Variants in AKAP13 observed in about 807,000 individuals in gnomAD.
AKAP13 encodes A-kinase anchoring protein 13, also known as A-kinase anchor protein 13.
A neutral mutation model predicts 264.5 loss-of-function variants in AKAP13; 80 were observed. The observed-to-expected ratio is 0.30, with a 90% CI of 0.25 to 0.36. The LOEUF (loss-of-function observed/expected upper bound fraction) is 0.36. Ranked by LOEUF, AKAP13 falls within the 10% of genes least tolerant of loss-of-function variation. The pLI is 1.00. For synonymous variants in AKAP13, 1,380 were observed against 1,250.2 expected, an observed-to-expected ratio of 1.10 and a Z score of -2.19; for missense variants, 3,712 against 3,435.2, an observed-to-expected ratio of 1.08 and a Z score of -2.01.
chr15:85,662,758 C>A (rs181622121), intron 12 of AKAP13, among the ~76,000 whole-genome samples: 17 of 152,198 alleles, frequency 1.1e-4, no homozygotes, highest in Non-Finnish European at 2.5e-4. Flanking sequence ...TCTTGGAACC[C>A]GAAGAAAACA....
chr15:85,460,560 G>C (rs181342701), intron 1 of AKAP13, among the ~76,000 whole-genome samples: 2 of 152,274 alleles, frequency 1.3e-5, no homozygotes, highest in Admixed American at 6.5e-5. Flanking sequence ...TGGAACCTAT[G>C]AACATTTTAC....
chr15:85,485,946 T>C (rs2075526998), intron 2 of AKAP13, among the ~76,000 whole-genome samples, 193 bp downstream of exon 2: 1 of 152,238 alleles, frequency 6.6e-6, no homozygotes, highest in Non-Finnish European at 1.5e-5. Flanking sequence ...TGCATGGAAA[T>C]GAAAACAAAT....
Position 85,533,784 on chromosome 15 carries a change from G to T in AKAP13, c.382G>T (p.Asp128Tyr). ...FLDQSGPPSGDVNSLDKKLVL... is the reference protein window; with the variant it reads ...FLDQSGPPSGYVNSLDKKLVL... Reference sequence around the variant, plus strand: ...TGACCAGTCAGGACCCCCATCTGGGGATGTGAATTCCCTTGATAAGAAGTT... The same window carrying T: ...TGACCAGTCAGGACCCCCATCTGGGTATGTGAATTCCCTTGATAAGAAGTT... The change falls in exon 4 of 37, where the codon GAT becomes TAT. Residue 128 changes from aspartate (D) to tyrosine (Y), a missense_variant. Asp to Tyr is a radical substitution (Grantham distance 160). Coordinates refer to ENST00000394518, the MANE Select transcript of AKAP13 (RefSeq NM_007200.5). The T allele has an allele frequency of 6.2e-7, 1 of 1,613,876 alleles. No homozygotes were observed. Among genetic ancestry groups the T allele is most frequent in the Non-Finnish European group, 8.5e-7 (1 of 1,179,930 alleles).
intron 4 of AKAP13, among the ~76,000 whole-genome samples, chr15:85,539,122 G>A (rs1314886795): frequency 6.6e-6 from 1 of 152,150 alleles, no homozygotes; most frequent in African/African-American, 2.4e-5. Flanking sequence ...GAGCCACTGT[G>A]CCTGGCCTGT....
chr15:85,643,775 G>A (rs2082419183), intron 9 of AKAP13, among the ~76,000 whole-genome samples: 1 of 152,218 alleles, frequency 6.6e-6, no homozygotes, highest in Non-Finnish European at 1.5e-5. Flanking sequence ...GGGAATCTGT[G>A]ACAGTCTTTA....
In AKAP13 at chr15:85,727,457, T is replaced by C; in HGVS notation, c.7081T>C (p.Leu2361=). 1.2e-6 allele frequency: 2 copies of C among 1,614,094 alleles called. No individual in the cohort carries two copies. The highest frequency in any genetic ancestry group is 1.7e-6 in the Non-Finnish European group (2 of 1,179,964). Residue 2361 remains leucine, a synonymous_variant, in exon 29 of 37, where the codon TTA becomes CTA. Transcript: ENST00000394518. The surrounding 1 kb of genome is among the most constrained non-coding windows in gnomAD (Gnocchi z 5.3). ...KKMLDTRARE[L]KEQLHQKDQK... ...AATGTTGGACACCAGAGCCCGAGAATTAAAAGGTGAGGCATTGCGAGTGGT... is the reference window on the plus strand; with the variant it reads ...AATGTTGGACACCAGAGCCCGAGAACTAAAAGGTGAGGCATTGCGAGTGGT...
chr15:85,441,682 T>C (rs990048521), intron 1 of AKAP13, among the ~76,000 whole-genome samples: 6 of 152,216 alleles, frequency 3.9e-5, no homozygotes, highest in African/African-American at 1.4e-4. Context: ...TATTTTTGTG[T>C]ATGGTGTAAG....
intron 1 of AKAP13, among the ~76,000 whole-genome samples, chr15:85,464,810 A>G (rs1408635289): frequency 1.3e-5 from 2 of 152,196 alleles, no homozygotes; most frequent in Non-Finnish European, 2.9e-5. Flanking sequence ...TCAATTGCTT[A>G]CCCCGTCCCT....
intron 1 of AKAP13, among the ~76,000 whole-genome samples, chr15:85,411,087 CATT>C (rs2071941470): frequency 6.6e-6 from 1 of 152,134 alleles, no homozygotes; most frequent in African/African-American, 2.4e-5. Flanking sequence ...CACATGAAAA[CATT>C]ATTTACCTTT....
In AKAP13 at chr15:85,708,403, C is replaced by G. The variant is rs2151690591; in HGVS notation, c.5532+317C>G. 6.6e-6 allele frequency among the ~76,000 whole-genome samples: 1 copy of G among 152,232 alleles called. No homozygotes were observed. Among genetic ancestry groups the G allele is most frequent in the South Asian group, 2.1e-4 (1 of 4,818 alleles). ...TTTCTTCTTAACTACGTCTGCAGGC[C>G]TACCCTGCTGTTCATACACCTGTCT... is the stretch of plus-strand genomic sequence containing the variant. On this transcript the variant is annotated intron_variant, in intron 18 of 36. Transcript: ENST00000394518. The surrounding 1 kb of genome is among the most constrained non-coding windows in gnomAD (Gnocchi z 4.3).
rs932538664 is a variant in AKAP13 at position 85,666,370 on chromosome 15, GT to G, written c.4992+1625del. Among the ~76,000 whole-genome samples the G allele has an allele frequency of 9.4e-3, 1,399 of 149,196 alleles. 14 individuals carry two copies. The highest frequency in any genetic ancestry group is 0.015 in the Non-Finnish European group (979 of 67,094). ...TATCCTTTACCCACTTTTTGATGGA[GT>G]TTTTTTTTTCTTGTAAATTTTTTTA... On this transcript the variant is annotated intron_variant, in intron 13 of 36. Transcript: ENST00000394518.
chr15:85,732,894 A>G (rs759543177), intron 30 of AKAP13, among the ~76,000 whole-genome samples: 6 of 152,074 alleles, frequency 3.9e-5, no homozygotes, highest in Non-Finnish European at 8.8e-5. Context: ...AATATATTCT[A>G]ATAGTAATGC....
At position 85,741,158 on chromosome 15, in the gene AKAP13, A is replaced by G. The variant is rs1168290197; in HGVS notation, c.7721A>G (p.Gln2574Arg). 1 of 1,613,324 alleles carries G rather than the reference A, an allele frequency of 6.2e-7. No homozygotes were observed. The highest frequency in any genetic ancestry group is 1.7e-5 in the Admixed American group (1 of 59,980). The change falls in exon 35 of 37, where the codon CAG (glutamine) becomes CGG (arginine). Residue 2574 changes from glutamine to arginine, a missense_variant. This residue lies in a region of AKAP13 where 611 missense variants were observed against 539.3 expected (regional missense o/e 1.13). Transcript: ENST00000394518. Reference sequence around the variant, plus strand: ...AGCTCCCTCATTGAGCAGGAGAAGCAGCGCAGCCTGGAGAAGCAGCGCCAG... The same window carrying G: ...AGCTCCCTCATTGAGCAGGAGAAGCGGCGCAGCCTGGAGAAGCAGCGCCAG... The part of the protein sequence containing the change: ...RPSSLIEQEK[Q>R]RSLEKQRQDL...
intron 1 of AKAP13, among the ~76,000 whole-genome samples, chr15:85,435,961 T>A (rs1364594547): frequency 6.4e-4 from 84 of 131,264 alleles, no homozygotes; most frequent in South Asian, 1.3e-3. Flanking sequence ...AATTCACACA[T>A]AACAATATTA....
chr15:85,387,709 G>T (rs1486698450), intron 1 of AKAP13, among the ~76,000 whole-genome samples: 1 of 152,140 alleles, frequency 6.6e-6, no homozygotes, highest in Non-Finnish European at 1.5e-5. Flanking sequence ...CATGAACATG[G>T]TATATCTATT....
intron 1 of AKAP13, among the ~76,000 whole-genome samples, chr15:85,434,065 A>G (rs1034741018): frequency 9.0e-5 from 13 of 143,968 alleles, no homozygotes; most frequent in African/African-American, 2.9e-4. Flanking sequence ...CTGAGGTACC[A>G]GGTTTATCTC....
chr15:85,548,657 T>C (rs2077842730), intron 5 of AKAP13, among the ~76,000 whole-genome samples: 1 of 152,200 alleles, frequency 6.6e-6, no homozygotes, highest in Non-Finnish European at 1.5e-5. Context: ...ACATTTCTTA[T>C]ATATTAATAA....
chr15:85,740,638 C>T (rs775911507), intron 34 of AKAP13: 10 of 320,352 alleles, frequency 3.1e-5, no homozygotes, highest in South Asian at 5.2e-5. Flanking sequence ...GCTTCTGTTT[C>T]GGACTTCCCA....
intron 2 of AKAP13, among the ~76,000 whole-genome samples, chr15:85,486,465 A>G (rs1480775103): frequency 6.6e-6 from 1 of 151,994 alleles, no homozygotes; most frequent in Non-Finnish European, 1.5e-5. Context: ...TTTCTTTTGC[A>G]TGTGGATCTC....
Sources: allele counts gnomAD v4.1 joint callset (sites outside exome capture counted in the v4.1 genomes callset), GRCh38; gene constraint gnomAD v4.1.1; regional missense constraint gnomAD v4.1.1; non-coding constraint Gnocchi (gnomAD v3.1); transcripts MANE v1.5; gene names NCBI Gene and HGNC (gene_info 2026-07-23, HGNC 2026-07-21).